The following HMGCLL1 variants were observed in gnomAD, a reference collection of about 807,000 sequenced individuals.
HMGCLL1 encodes 3-hydroxy-3-methylglutaryl-CoA lyase like 1.
Under a neutral mutation model 39.1 loss-of-function variants are expected in HMGCLL1, and 36 were observed. That is an observed-to-expected ratio of 0.92 (90% CI 0.71 to 1.22). The LOEUF (loss-of-function observed/expected upper bound fraction) is 1.22, where lower values mean the gene tolerates loss of function less well. HMGCLL1 is among the 50% of genes most tolerant of loss of function. The pLI is 0.00. For synonymous variants in HMGCLL1, 149 were observed against 144.0 expected (o/e 1.03, Z -0.25); for missense variants, 451 against 416.5 (o/e 1.08, Z -0.72).
At chr6:55,588,532 G>A in the HMGCLL1 span, among the ~76,000 whole-genome samples, 2 of 152,104 alleles carry the variant, frequency 1.3e-5, no homozygotes, top group Non-Finnish European at 2.9e-5. Flanking sequence ...AAAGCTAGCA[G>A]AAGGCAAGAA....
At chr6:55,567,253 G>A (rs1411760406) in intron 1 of HMGCLL1, among the ~76,000 whole-genome samples, 2 of 151,180 alleles carry the variant, frequency 1.3e-5, no homozygotes, top group Non-Finnish European at 3.0e-5. Flanking sequence ...TAAAAAGTGA[G>A]TGAACCTCCA....
intron 1 of HMGCLL1, among the ~76,000 whole-genome samples, chr6:55,577,389 G>C (rs1771813789): frequency 6.6e-6 from 1 of 151,656 alleles, no homozygotes; most frequent in Non-Finnish European, 1.5e-5. Flanking sequence ...AGACAAATAA[G>C]AGTTTTCTAG....
intron 1 of HMGCLL1, among the ~76,000 whole-genome samples, chr6:55,551,663 T>G (rs1354947808): frequency 6.6e-6 from 1 of 151,946 alleles, no homozygotes; most frequent in East Asian, 1.9e-4. Flanking sequence ...CCCCCTCTAA[T>G]CACCAGTACA....
the HMGCLL1 span, among the ~76,000 whole-genome samples, chr6:55,612,802 G>A: frequency 5.5e-3 from 838 of 152,250 alleles, no homozygotes; most frequent in Non-Finnish European, 8.3e-3. Context: ...ATTAACTCAA[G>A]ATGGATTAAA....
chr6:55,473,126 C>T (rs189276927), intron 7 of HMGCLL1, among the ~76,000 whole-genome samples: 1 of 151,114 alleles, frequency 6.6e-6, no homozygotes, highest in Admixed American at 6.6e-5. Context: ...TTTTAACATA[C>T]CTGAGTATAT....
At chr6:55,655,061 A>C in the HMGCLL1 span, among the ~76,000 whole-genome samples, 1 of 151,940 alleles carries the variant, frequency 6.6e-6, no homozygotes, top group East Asian at 1.9e-4. Flanking sequence ...TAGCCATATT[A>C]TAAATGTTTT....
the HMGCLL1 span, among the ~76,000 whole-genome samples, chr6:55,652,069 A>AT: frequency 1.3e-5 from 2 of 151,812 alleles, no homozygotes; most frequent in African/African-American, 2.4e-5. Context: ...TTTTCGCCTG[A>AT]TTTTTTCGTT....
At chr6:55,624,582 G>A in the HMGCLL1 span, among the ~76,000 whole-genome samples, 2 of 152,080 alleles carry the variant, frequency 1.3e-5, no homozygotes, top group Non-Finnish European at 2.9e-5. Context: ...TATCACATTG[G>A]TCCATTCCAT....
intron 7 of HMGCLL1, among the ~76,000 whole-genome samples, chr6:55,487,201 C>T (rs550846335): frequency 6.7e-6 from 1 of 148,354 alleles, no homozygotes; most frequent in Admixed American, 6.7e-5. Context: ...ACCTTTTGTA[C>T]TTTTTTTTTT....
At chr6:55,617,851 A>G in the HMGCLL1 span, among the ~76,000 whole-genome samples, 1 of 152,124 alleles carries the variant, frequency 6.6e-6, no homozygotes, top group Non-Finnish European at 1.5e-5. Context: ...AGGATGGCTC[A>G]TAATTGTTCA....
chr6:55,539,866 GAAAGAAAGAAAGA>G, intron 3 of HMGCLL1, among the ~76,000 whole-genome samples: 1 of 57,566 alleles, frequency 1.7e-5, no homozygotes, highest in African/African-American at 1.1e-4. Flanking sequence ...GAGGAAGAAA[GAAAGAAAGAAAGA>G]AAGAAAGAAA....
chr6:55,514,255 G>A (rs1767619885), intron 4 of HMGCLL1, 59 bp from the exon 5 acceptor site: 4 of 1,328,074 alleles, frequency 3.0e-6, no homozygotes, highest in Non-Finnish European at 3.1e-6. Context: ...AATGACAGTG[G>A]TAGAATAAAG....
intron 7 of HMGCLL1, among the ~76,000 whole-genome samples, chr6:55,484,466 C>A (rs1283545592): frequency 1.3e-5 from 2 of 151,984 alleles, no homozygotes; most frequent in Admixed American, 6.6e-5. Flanking sequence ...CTTCCCAATT[C>A]TTTTATATGC....
At chr6:55,671,242 G>A in the HMGCLL1 span, among the ~76,000 whole-genome samples, 1 of 151,872 alleles carries the variant, frequency 6.6e-6, no homozygotes, top group South Asian at 2.1e-4. Context: ...ATTGTGTTGA[G>A]TTTAAAGCTG....
At chr6:55,663,996 G>C in the HMGCLL1 span, among the ~76,000 whole-genome samples, 1 of 151,674 alleles carries the variant, frequency 6.6e-6, no homozygotes, top group South Asian at 2.1e-4. Context: ...TGCAATCTCT[G>C]CATTTTTTCT....
At chr6:55,676,455 T>C in the HMGCLL1 span, among the ~76,000 whole-genome samples, 1 of 152,176 alleles carries the variant, frequency 6.6e-6, no homozygotes, top group Non-Finnish European at 1.5e-5. Context: ...GGATGCTAAG[T>C]TCATTAAATG....
At chr6:55,488,447 G>A (rs1766154611) in intron 7 of HMGCLL1, among the ~76,000 whole-genome samples, 1 of 152,042 alleles carries the variant, frequency 6.6e-6, no homozygotes, top group Admixed American at 6.6e-5. Flanking sequence ...GCTTCATCAC[G>A]CTTTTTTAAA....
At chr6:55,655,000 T>A in the HMGCLL1 span, among the ~76,000 whole-genome samples, 1 of 152,096 alleles carries the variant, frequency 6.6e-6, no homozygotes, top group Non-Finnish European at 1.5e-5. Flanking sequence ...CTCTTGCACC[T>A]ACACATGCAG....
chr6:55,550,025 G>A (rs1305090483), intron 1 of HMGCLL1, among the ~76,000 whole-genome samples: 2 of 151,904 alleles, frequency 1.3e-5, no homozygotes, highest in Admixed American at 1.3e-4. Context: ...GCATTTGCGT[G>A]ACTACAGACA....
Sources: gnomAD v4.1 joint callset for allele counts (sites outside exome capture counted in the v4.1 genomes callset) on GRCh38, gnomAD v4.1.1 for gene constraint, MANE v1.5 for transcripts, NCBI Gene and HGNC (gene_info 2026-07-23, HGNC 2026-07-21) for gene names.